TRANK1: variants seen among roughly 807,000 people sequenced by gnomAD.
The protein encoded by TRANK1 is TPR and ankyrin repeat-containing protein 1.
TRANK1 carries 198 observed loss-of-function variants against 266.0 expected under a neutral mutation model. The ratio of observed to expected loss-of-function variants is 0.74; its 90% confidence interval spans 0.66 to 0.84. The LOEUF is 0.84. Ranked by LOEUF, TRANK1 falls within the 40% of genes least tolerant of loss-of-function variation. The pLI, the probability that TRANK1 is intolerant of heterozygous loss-of-function variation, is 0.00. For missense variants in TRANK1, 3,326 were observed against 3,634.6 expected (o/e 0.92, Z 2.18); for synonymous variants, 1,396 against 1,384.1 (o/e 1.01, Z -0.19).
intron 1 of TRANK1, among the ~76,000 whole-genome samples, chr3:36,924,656 A>T (rs569119823): frequency 2.6e-5 from 4 of 152,316 alleles, no homozygotes; most frequent in Non-Finnish European, 4.4e-5. Context: ...ACCAGGCTCA[A>T]CTGTTGGCTG....
Position 36,856,047 on chromosome 3 carries a change from C to G in TRANK1, c.3675G>C (p.Leu1225=). The change falls in exon 13 of 24, where the codon CTG becomes CTC. Residue 1225 remains leucine, a synonymous_variant. Transcript: ENST00000645898. ...CCTGGAGTTTGTGAATGTTGGGGTC[C>G]AGTGGTTTGTAATGACTAGTGGCCT... The part of the protein sequence containing the change: ...STKATSHYKP[L]DPNIHKLQDL... The G allele has an allele frequency of 1.2e-6, 2 of 1,613,750 alleles. No individual in the cohort carries two copies. The highest frequency in any genetic ancestry group is 1.7e-6 in the Non-Finnish European group (2 of 1,179,858).
At chr3:36,874,487 A>G (rs1419250806) in intron 8 of TRANK1, among the ~76,000 whole-genome samples, 191 bp from the exon 9 acceptor site, 3 of 151,992 alleles carry the variant, frequency 2.0e-5, no homozygotes, top group Non-Finnish European at 2.9e-5. Flanking sequence ...TTCTTTGTGG[A>G]GTGGGAAGGA....
chr3:36,940,672 G>C (rs1417525347), intron 1 of TRANK1, among the ~76,000 whole-genome samples: 1 of 152,154 alleles, frequency 6.6e-6, no homozygotes. Flanking sequence ...TCGAGAGCTT[G>C]TCTGCACCTC....
chr3:36,945,344 C>A (rs917250965), upstream of TRANK1, among the ~76,000 whole-genome samples: 2 of 152,202 alleles, frequency 1.3e-5, no homozygotes, highest in Non-Finnish European at 2.9e-5. Context: ...CGGCCAACGG[C>A]CTCAGCGTGG....
chr3:36,936,571 T>A (rs1004511030), intron 1 of TRANK1, among the ~76,000 whole-genome samples: 4 of 152,004 alleles, frequency 2.6e-5, no homozygotes, highest in East Asian at 1.9e-4. Context: ...AGAACTTTTT[T>A]AAAAAGTACC....
intron 1 of TRANK1, among the ~76,000 whole-genome samples, chr3:36,920,653 C>T (rs866641758): frequency 3.9e-5 from 6 of 152,256 alleles, no homozygotes; most frequent in Middle Eastern, 6.8e-3. Flanking sequence ...AAATGTGTGG[C>T]CCTACGTTTC....
At chr3:36,860,033 A>C (rs990871209) in intron 11 of TRANK1, among the ~76,000 whole-genome samples, 2 of 152,148 alleles carry the variant, frequency 1.3e-5, no homozygotes, top group Admixed American at 1.3e-4. Flanking sequence ...ATAACACACA[A>C]TGTCTTGTGT....
rs1047806221 is a variant in TRANK1, at chr3:36,833,020, T to C, written c.6563A>G (p.Tyr2188Cys). 6.2e-7 allele frequency: 1 copy of C among 1,612,490 alleles called. No homozygotes were observed. Among genetic ancestry groups the C allele is most frequent in the Non-Finnish European group, 8.5e-7 (1 of 1,179,202 alleles). The change falls in exon 22 of 24, where the codon TAC (tyrosine) becomes TGC (cysteine). Residue 2188 changes from tyrosine (Y) to cysteine (C), a missense_variant. Transcript: ENST00000645898. ...AATAAACCTCATGCAGACTCCTCGG[T>C]AGGTCTTCCCAAGCAGGCTCCGTGT... ...QITRSLLGKT[Y>C]RGVCMRFIVG...
rs778715129 is a variant in TRANK1 at position 36,831,396 on chromosome 3, C to A, written c.8187G>T (p.Val2729=). The change falls in exon 22 of 24, where the codon GTG becomes GTT. Residue 2729 remains valine, a synonymous_variant. Transcript: ENST00000645898. This position sits in a 1 kb window ranked among gnomAD's most constrained non-coding sequence, Gnocchi z 5.0. The part of the protein sequence containing the change: ...IQRKLRRACL[V]VSLCISWRRR... ...TCCTCCAACTGATGCACAGAGACAC[C>A]ACCAGGCATGCCCTCCTCAACTTCC... 80 of 1,612,988 alleles carry A rather than the reference C, an allele frequency of 5.0e-5. No individual in the cohort carries two copies. The highest frequency in any genetic ancestry group is 6.6e-5 in the Non-Finnish European group (78 of 1,179,532).
intron 8 of TRANK1, among the ~76,000 whole-genome samples, chr3:36,885,303 C>T (rs897587810): frequency 4.6e-5 from 7 of 152,140 alleles, no homozygotes; most frequent in Non-Finnish European, 8.8e-5. Flanking sequence ...TCACCAAAAA[C>T]ACATAACTTC....
chr3:36,893,358 C>T (rs935851248), intron 5 of TRANK1, among the ~76,000 whole-genome samples: 8 of 152,094 alleles, frequency 5.3e-5, no homozygotes, highest in Non-Finnish European at 1.2e-4. Context: ...TAGAAATATC[C>T]CATCCCAATC....
At chr3:36,878,864 C>G (rs1255816430) in intron 8 of TRANK1, among the ~76,000 whole-genome samples, 1 of 151,484 alleles carries the variant, frequency 6.6e-6, no homozygotes, top group Admixed American at 6.6e-5. Flanking sequence ...TTAAAACGTA[C>G]TAGGATTTTC....
chr3:36,842,590 T>C, intron 18 of TRANK1, 32 bp downstream of exon 18: 2 of 1,594,604 alleles, frequency 1.3e-6, no homozygotes, highest in Non-Finnish European at 1.7e-6. Flanking sequence ...AGGGCACCAG[T>C]GACAAGGACC....
At chr3:36,829,494 C>T in intron 23 of TRANK1, 70 bp downstream of exon 23, 1 of 1,522,266 alleles carries the variant, frequency 6.6e-7, no homozygotes, top group Non-Finnish European at 9.1e-7. Context: ...CAGATTCCCC[C>T]CGGGAGCCAG....
intron 8 of TRANK1, among the ~76,000 whole-genome samples, chr3:36,888,920 T>A (rs1236285035): frequency 6.6e-6 from 1 of 152,142 alleles, no homozygotes; most frequent in African/African-American, 2.4e-5. Context: ...GGTGTTTGCC[T>A]GTAATCCCAA....
rs762040577 is a variant in TRANK1, at chr3:36,847,351, A to C, written c.4888-5T>G. 5.6e-6 allele frequency: 9 copies of C among 1,613,122 alleles called. No homozygotes were observed. Among genetic ancestry groups the C allele is most frequent in the Non-Finnish European group, 7.6e-6 (9 of 1,179,420 alleles). ...GATCTTCCATTCCTTATAAGCCTGA[A>C]CAACAACAAAAAAGTGAAGACCAAC... On this transcript the variant is annotated splice_polypyrimidine_tract_variant and splice_region_variant and intron_variant, in intron 15 of 23. Transcript: ENST00000645898.
At position 36,908,305 on chromosome 3, in the gene TRANK1, G is replaced by GAAAATGC; in HGVS notation, c.155+11_155+17dup. On this transcript the variant is annotated intron_variant, in intron 2 of 23. Coordinates refer to ENST00000645898, the MANE Select transcript of TRANK1 (RefSeq NM_001329998.2). ...TGTACTGAAAAAGAAAAGATGAGGT[G>GAAAATGC]AAAATGCAAACACTTACCCCCACTG... 1.6e-6 allele frequency: 2 copies of GAAAATGC among 1,232,172 alleles called. No individual in the cohort carries two copies. The highest frequency in any genetic ancestry group is 2.0e-6 in the Non-Finnish European group (2 of 987,974). 76.3% of individuals were successfully genotyped at this position (1,232,172 alleles called of 1,614,324 possible).
rs112320080 is a variant in TRANK1, at chr3:36,881,887, C to T, written c.908-7591G>A. Among the ~76,000 whole-genome samples the T allele has an allele frequency of 4.3e-3, 651 of 152,290 alleles. 5 individuals carry two copies. The highest frequency in any genetic ancestry group is 0.01 in the Middle Eastern group (3 of 294). Reference sequence around the variant, plus strand: ...TGTCTGCTTCTTTCACCTAGCATAACGCAATCTTCCTCCGTGTTGTAGCAT... The same window carrying T: ...TGTCTGCTTCTTTCACCTAGCATAATGCAATCTTCCTCCGTGTTGTAGCAT... On this transcript the variant is annotated intron_variant, in intron 8 of 23. Coordinates refer to ENST00000645898, the MANE Select transcript of TRANK1 (RefSeq NM_001329998.2).
chr3:36,842,826 T>A, intron 17 of TRANK1, 116 bp from the exon 18 acceptor site: 1 of 854,486 alleles, frequency 1.2e-6, no homozygotes, highest in Non-Finnish European at 1.9e-6. Flanking sequence ...GTTAAAGTCC[T>A]AACTCCCGGT....
Sources: gnomAD v4.1 joint callset for allele counts (sites outside exome capture counted in the v4.1 genomes callset) on GRCh38, gnomAD v4.1.1 for gene constraint, Gnocchi (gnomAD v3.1) non-coding constraint, MANE v1.5 for transcripts, NCBI Gene and HGNC (gene_info 2026-07-23, HGNC 2026-07-21) for gene names.